The following FAM13A variants were observed in gnomAD, a reference collection of about 807,000 sequenced individuals.
FAM13A encodes the protein family with sequence similarity 13 member A.
In FAM13A, 76 loss-of-function variants were observed where a neutral mutation model predicts 129.6. The observed-to-expected ratio is 0.59, with a 90% CI of 0.49 to 0.71. The LOEUF is 0.71. Among genes scored for constraint, FAM13A ranks in the 30% least tolerant of loss-of-function variants. FAM13A has a pLI of 0.00. For synonymous variants in FAM13A, 443 were observed against 449.9 expected (o/e 0.98, Z 0.20); for missense variants, 1,108 against 1,249.3 (o/e 0.89, Z 1.70).
chr4:88,805,112 A>T, intron 7 of FAM13A, 60 bp from the exon 8 acceptor site: 1 of 895,916 alleles, frequency 1.1e-6, no homozygotes, highest in Non-Finnish European at 1.8e-6. Context: ...TGTCAATTTT[A>T]CTAAAAATGT....
At chr4:88,755,563 G>C (rs943245124) in intron 14 of FAM13A, among the ~76,000 whole-genome samples, 9 of 152,166 alleles carry the variant, frequency 5.9e-5, no homozygotes. Flanking sequence ...TGCCCACAAG[G>C]ATATAAAACT....
chr4:88,855,422 A>T (rs1197474155), intron 6 of FAM13A: 1 of 152,168 alleles, frequency 6.6e-6, no homozygotes, highest in Non-Finnish European at 1.5e-5. Context: ...TTACTATCAT[A>T]CGTAAATTAT....
chr4:88,861,842 T>A (rs1174424760), intron 6 of FAM13A, among the ~76,000 whole-genome samples: 1 of 152,228 alleles, frequency 6.6e-6, no homozygotes, highest in Non-Finnish European at 1.5e-5. Context: ...AAAAACCCTA[T>A]GAAATAGGTA....
At chr4:88,951,023 C>G (rs891524627) in intron 4 of FAM13A, among the ~76,000 whole-genome samples, 2 of 152,096 alleles carry the variant, frequency 1.3e-5, no homozygotes, top group Admixed American at 6.6e-5. Flanking sequence ...AGGTGTAAAC[C>G]CGGTTGCTGG....
At chr4:88,908,108 T>C (rs571664547) in intron 5 of FAM13A, among the ~76,000 whole-genome samples, 57 of 152,336 alleles carry the variant, frequency 3.7e-4, no homozygotes, top group African/African-American at 1.3e-3. Flanking sequence ...ATAGCCCTTA[T>C]GTAAGTACCA....
intron 6 of FAM13A, among the ~76,000 whole-genome samples, chr4:88,874,288 A>C (rs563187564): frequency 6.6e-6 from 1 of 152,206 alleles, no homozygotes; most frequent in Non-Finnish European, 1.5e-5. Flanking sequence ...AGTTCTGGCC[A>C]GGGAAATCAG....
chr4:88,851,047 C>T lies in FAM13A; in HGVS notation c.980G>A (p.Gly327Asp). The change falls in exon 7 of 24, where the codon GGT becomes GAT. Residue 327 changes from glycine (G) to aspartate (D), a missense_variant. Coordinates refer to ENST00000264344, the MANE Select transcript of FAM13A (RefSeq NM_014883.4). ...GGGTACCAACTTGGCACTAATAGCA[C>T]CCTCTGCTGAATTCATGTCTTCCAA... ...ACLEDMNSAE[G>D]AISAKLVPSS... is the part of the protein sequence containing the mutation. 1 of 1,613,992 alleles carries T rather than the reference C, an allele frequency of 6.2e-7. No homozygotes were observed. The highest frequency in any genetic ancestry group is 8.5e-7 in the Non-Finnish European group (1 of 1,179,970).
intron 6 of FAM13A, among the ~76,000 whole-genome samples, chr4:88,876,901 CTTT>C (rs1170493066): frequency 1.3e-5 from 2 of 152,140 alleles, no homozygotes; most frequent in African/African-American, 4.8e-5. Flanking sequence ...CGCGTCACTT[CTTT>C]ATTAACAATC....
chr4:88,782,886 T>C (rs1252392762), intron 10 of FAM13A, among the ~76,000 whole-genome samples: 1 of 152,208 alleles, frequency 6.6e-6, no homozygotes, highest in Admixed American at 6.5e-5. Context: ...TTTGGTGTAA[T>C]TCTAAAACTC....
chr4:88,925,747 A>G (rs932685903), intron 5 of FAM13A, among the ~76,000 whole-genome samples: 20 of 152,158 alleles, frequency 1.3e-4, no homozygotes, highest in Non-Finnish European at 1.5e-5. Context: ...CCAATGTATA[A>G]GTAAATATGA....
chr4:88,909,059 C>T (rs892686851), intron 5 of FAM13A, among the ~76,000 whole-genome samples: 2 of 152,134 alleles, frequency 1.3e-5, no homozygotes, highest in African/African-American at 4.8e-5. Flanking sequence ...AAAACATTTT[C>T]TAAATCTTTA....
At chr4:88,790,759 A>G (rs1724969131) in intron 8 of FAM13A, 132 bp from the exon 9 acceptor site, 1 of 713,628 alleles carries the variant, frequency 1.4e-6, no homozygotes, top group African/African-American at 1.8e-5. Flanking sequence ...ATGTTTAACC[A>G]TCCAATGAAA....
intron 6 of FAM13A, among the ~76,000 whole-genome samples, chr4:88,858,550 G>C (rs575638209): frequency 6.6e-6 from 1 of 152,266 alleles, no homozygotes; most frequent in East Asian, 1.9e-4. Flanking sequence ...CTGTAGGGTG[G>C]AATACGATCA....
At chr4:89,011,746 A>C (rs907753524) in intron 3 of FAM13A, among the ~76,000 whole-genome samples, 13 of 152,134 alleles carry the variant, frequency 8.5e-5, no homozygotes, top group African/African-American at 3.1e-4. Flanking sequence ...TTTCCTCTCC[A>C]TACAAGTTAA....
At position 88,938,261 on chromosome 4, in the gene FAM13A, A is replaced by G. The variant is rs756974975; in HGVS notation, c.606-20T>C. ...GGCACACTAGAAACAAGAAAGGGAAAGAGAGGAATTACTTAGTAAACACAA... is the reference window on the plus strand; with the variant it reads ...GGCACACTAGAAACAAGAAAGGGAAGGAGAGGAATTACTTAGTAAACACAA... On this transcript the variant is annotated intron_variant, in intron 4 of 23. Transcript: ENST00000264344. 2.5e-6 allele frequency: 4 copies of G among 1,588,280 alleles called. No individual in the cohort carries two copies. The East Asian group carries it at 8.9e-5, about 36-fold the overall frequency.
chr4:88,731,893 T>A, intron 22 of FAM13A, 109 bp downstream of exon 22: 1 of 855,078 alleles, frequency 1.2e-6, no homozygotes, highest in Non-Finnish European at 1.8e-6. Flanking sequence ...ACACCCCAGG[T>A]AGTCACTTGT....
At chr4:88,747,337 C>T (rs1188452982) in intron 18 of FAM13A, among the ~76,000 whole-genome samples, 1 of 152,162 alleles carries the variant, frequency 6.6e-6, no homozygotes, top group African/African-American at 2.4e-5. Flanking sequence ...GTTACATGGT[C>T]CCAAAGGTTT....
rs1279964817 is a variant in FAM13A, at chr4:89,021,879, A to G, written c.218-1210T>C. On this transcript the variant is annotated intron_variant, in intron 2 of 23. Coordinates refer to ENST00000264344, the MANE Select transcript of FAM13A (RefSeq NM_014883.4). ...TGAAAAGTAGGAATACAGGAAAAAA[A>G]AAACACTGTAAAAGATAAGATTAGG... Among the ~76,000 whole-genome samples, 3 of 152,190 alleles carry G rather than the reference A, an allele frequency of 2.0e-5. No homozygotes were observed. In the South Asian group the frequency reaches 6.2e-4, roughly 31 times the overall value.
intron 7 of FAM13A, among the ~76,000 whole-genome samples, chr4:88,827,148 T>C (rs1733143967): frequency 6.6e-6 from 1 of 152,186 alleles, no homozygotes; most frequent in Admixed American, 6.5e-5. Context: ...CAAATGCCTT[T>C]TCTTAGATCC....
Sources: gnomAD v4.1 joint callset for allele counts (sites outside exome capture counted in the v4.1 genomes callset) on GRCh38, gnomAD v4.1.1 for gene constraint, MANE v1.5 for transcripts, NCBI Gene and HGNC (gene_info 2026-07-23, HGNC 2026-07-21) for gene names.